The following GRIN2B variants were observed in gnomAD, a reference collection of about 807,000 sequenced individuals.
The protein encoded by GRIN2B is glutamate receptor ionotropic, NMDA 2B.
Under a neutral mutation model 114.5 loss-of-function variants are expected in GRIN2B, and 5 were observed. The observed-to-expected ratio is 0.04, with a 90% confidence interval of 0.02 to 0.09. The LOEUF (loss-of-function observed/expected upper bound fraction) is 0.09. Among genes scored for constraint, GRIN2B ranks in the 10% least tolerant of loss-of-function variants. GRIN2B has a pLI of 1.00. For missense variants in GRIN2B, 1,108 were observed against 1,943.5 expected, an observed-to-expected ratio of 0.57 and a Z score of 8.08; for synonymous variants, 787 against 745.1, an observed-to-expected ratio of 1.06 and a Z score of -0.92.
At position 13,564,658 on chromosome 12, in the gene GRIN2B, G is replaced by A. The variant is rs3751258; in HGVS notation, c.2599-19C>T. On this transcript the variant is annotated intron_variant, in intron 13 of 13. Transcript: ENST00000609686. The surrounding 1 kb of genome is among the most constrained non-coding windows in gnomAD (Gnocchi z 4.8). Reference sequence around the variant, plus strand: ...AGATACCCTGAAGCAAGAATGGAGGGACAGGTTAGATCTCCAGAGAGGCTA... The same window carrying A: ...AGATACCCTGAAGCAAGAATGGAGGAACAGGTTAGATCTCCAGAGAGGCTA... The A allele has an allele frequency of 1.2e-6, 2 of 1,610,126 alleles. No individual in the cohort carries two copies. The highest frequency in any genetic ancestry group is 1.1e-5 in the South Asian group (1 of 91,016).
intron 5 of GRIN2B, among the ~76,000 whole-genome samples, chr12:13,659,231 T>G (rs1949896895): frequency 6.6e-6 from 1 of 152,214 alleles, no homozygotes; most frequent in African/African-American, 2.4e-5. Flanking sequence ...TTTTGTTCCT[T>G]GTTTTGATGT....
intron 4 of GRIN2B, among the ~76,000 whole-genome samples, chr12:13,719,539 G>A (rs1428976099): frequency 6.6e-6 from 1 of 151,992 alleles, no homozygotes; most frequent in African/African-American, 2.4e-5. Context: ...ACCACCATGA[G>A]AAGCTACATG....
chr12:13,674,311 G>A (rs758432925), intron 5 of GRIN2B, among the ~76,000 whole-genome samples: 1 of 152,116 alleles, frequency 6.6e-6, no homozygotes, highest in Non-Finnish European at 1.5e-5. Context: ...AGTGAGCTAT[G>A]ACAGCACCAC....
intron 2 of GRIN2B, among the ~76,000 whole-genome samples, chr12:13,867,894 C>CAAA (rs35373437): frequency 6.7e-4 from 87 of 130,564 alleles, no homozygotes; most frequent in South Asian, 4.9e-3. Flanking sequence ...CTGCTTGTTT[C>CAAA]AAAAAAAAAA....
intron 5 of GRIN2B, among the ~76,000 whole-genome samples, chr12:13,623,289 A>G (rs551759848): frequency 1.2e-4 from 19 of 152,340 alleles, no homozygotes; most frequent in Non-Finnish European, 2.4e-4. Context: ...CATAATACAT[A>G]TCTTGGTATT....
At chr12:13,737,775 T>C (rs537950557) in intron 4 of GRIN2B, among the ~76,000 whole-genome samples, 22 of 152,362 alleles carry the variant, frequency 1.4e-4, no homozygotes, top group African/African-American at 5.3e-4. Flanking sequence ...GCCATGGTTC[T>C]TTTCTCAGAA....
chr12:13,723,091 T>C (rs908437837), intron 4 of GRIN2B, among the ~76,000 whole-genome samples: 3 of 151,918 alleles, frequency 2.0e-5, no homozygotes, highest in African/African-American at 4.8e-5. Context: ...AACCCGGAGA[T>C]ACAGCAGACT....
chr12:13,747,522 A>T (rs2136623067), intron 4 of GRIN2B, among the ~76,000 whole-genome samples: 1 of 152,312 alleles, frequency 6.6e-6, no homozygotes, highest in East Asian at 1.9e-4. Context: ...AGATAAAGTC[A>T]TTCCCTCCCT....
chr12:13,812,374 C>A (rs220592), intron 3 of GRIN2B, among the ~76,000 whole-genome samples: 94,313 of 152,074 alleles, frequency 0.62, 29,748 homozygotes, highest in East Asian at 0.72. Flanking sequence ...AACTTCTGGG[C>A]TCATGCATTT....
chr12:13,924,350 G>T (rs1331431529), intron 2 of GRIN2B, among the ~76,000 whole-genome samples: 1 of 152,186 alleles, frequency 6.6e-6, no homozygotes, highest in African/African-American at 2.4e-5. Context: ...AACAAGGACT[G>T]GTGAAATGCC....
At chr12:13,794,038 CAAAAAAAAAAAA>C (rs59335663) in intron 3 of GRIN2B, among the ~76,000 whole-genome samples, 2 of 79,226 alleles carry the variant, frequency 2.5e-5, no homozygotes, top group African/African-American at 1.1e-4. Context: ...CCCATCTCTA[CAAAAAAAAAAAA>C]AAAAAAAAAA....
chr12:13,867,194 T>C (rs955785879), intron 2 of GRIN2B, among the ~76,000 whole-genome samples: 3 of 152,180 alleles, frequency 2.0e-5, no homozygotes, highest in Non-Finnish European at 4.4e-5. Flanking sequence ...CCTGATGCCA[T>C]CCTATAGTCG....
chr12:13,866,112 G>A lies in GRIN2B; in HGVS notation c.97C>T (p.Pro33Ser). The change falls in exon 3 of 14, where the codon CCC becomes TCC. Residue 33 changes from proline to serine, a missense_variant. Physicochemically the swap from Pro to Ser is moderately conservative, Grantham distance 74. Coordinates refer to ENST00000609686, the MANE Select transcript of GRIN2B (RefSeq NM_000834.5). ...AGGATGACAGCAATGCCAATGCTGG[G>A]GGGGCTCTTCTGAGAACGAGCTCTG... ...GSRARSQKSP[P>S]SIGIAVILVG... 2 of 1,613,846 alleles carry A rather than the reference G, an allele frequency of 1.2e-6. No individual in the cohort carries two copies. The highest frequency in any genetic ancestry group is 1.7e-6 in the Non-Finnish European group (2 of 1,179,918).
At chr12:13,870,932 C>T (rs531235353) in intron 2 of GRIN2B, among the ~76,000 whole-genome samples, 3 of 151,990 alleles carry the variant, frequency 2.0e-5, no homozygotes, top group Non-Finnish European at 4.4e-5. Context: ...TAGTATCTAT[C>T]GAAATTTTAA....
intron 3 of GRIN2B, among the ~76,000 whole-genome samples, chr12:13,822,462 A>G (rs1864957425): frequency 6.6e-6 from 1 of 152,194 alleles, no homozygotes; most frequent in South Asian, 2.1e-4. Flanking sequence ...TCTATTTGGT[A>G]AGATGCAGTG....
At chr12:13,797,173 G>A (rs1565540799) in intron 3 of GRIN2B, among the ~76,000 whole-genome samples, 1 of 152,174 alleles carries the variant, frequency 6.6e-6, no homozygotes, top group Non-Finnish European at 1.5e-5. Flanking sequence ...CAGAATCAAT[G>A]TCTTATGAGA....
chr12:13,832,847 C>T (rs1401528192), intron 3 of GRIN2B, among the ~76,000 whole-genome samples: 3 of 152,082 alleles, frequency 2.0e-5, no homozygotes, highest in Non-Finnish European at 2.9e-5. Context: ...TATTTTGAGG[C>T]TTTTATTGCC....
At chr12:13,747,486 T>G (rs766882515) in intron 4 of GRIN2B, among the ~76,000 whole-genome samples, 2 of 152,222 alleles carry the variant, frequency 1.3e-5, no homozygotes, top group African/African-American at 4.8e-5. Context: ...TTTTCCCAAC[T>G]TATATATCCT....
At chr12:13,609,910 C>A (rs1949344423) in intron 9 of GRIN2B, 1 of 152,238 alleles carries the variant, frequency 6.6e-6, no homozygotes, top group African/African-American at 2.4e-5. Context: ...ATAGACAGTG[C>A]TTGGGCTTCT....
Sources: gnomAD v4.1 joint callset for allele counts (sites outside exome capture counted in the v4.1 genomes callset) on GRCh38, gnomAD v4.1.1 for gene constraint, Gnocchi (gnomAD v3.1) non-coding constraint, MANE v1.5 for transcripts, NCBI Gene and HGNC (gene_info 2026-07-23, HGNC 2026-07-21) for gene names.